The following CPLANE1 variants were observed in gnomAD, a reference collection of about 807,000 sequenced individuals.
CPLANE1 encodes the protein ciliogenesis and planar polarity effector complex subunit 1.
In CPLANE1, 263 loss-of-function variants were observed where a neutral mutation model predicts 362.5. The ratio of observed to expected loss-of-function variants is 0.73; its 90% CI spans 0.66 to 0.80. The LOEUF (loss-of-function observed/expected upper bound fraction) is 0.80. Ranked by LOEUF, CPLANE1 falls within the 30% of genes least tolerant of loss-of-function variation. The probability of loss-of-function intolerance (pLI) is 0.00; values close to 1 mark genes in which losing one functional copy is unlikely to be tolerated. For missense variants in CPLANE1, 3,461 were observed against 3,793.4 expected (o/e 0.91, Z 2.30); for synonymous variants, 1,212 against 1,302.6 (o/e 0.93, Z 1.50).
the CPLANE1 span, among the ~76,000 whole-genome samples, chr5:37,077,902 C>T: frequency 0.018 from 2,707 of 151,960 alleles, 32 homozygotes; most frequent in Middle Eastern, 0.041. Context: ...AGGTGTAAAC[C>T]GCCGTGCCCA....
chr5:37,107,575 G>A lies in CPLANE1; in HGVS notation c.*27C>T, dbSNP rs769472990. 28 of 1,586,756 alleles carry A rather than the reference G, an allele frequency of 1.8e-5. No individual in the cohort carries two copies. Among genetic ancestry groups the A allele is most frequent in the Non-Finnish European group, 9.5e-6 (11 of 1,163,658 alleles). On this transcript the variant is annotated 3_prime_UTR_variant, in exon 53 of 53. Coordinates refer to ENST00000651892, the MANE Select transcript of CPLANE1 (RefSeq NM_001384732.1). Reference sequence around the variant, plus strand: ...CCACATTACTGAGGTGCTGGCCTGTGCATGGAAACCCAATGATATCCAGGT... The same window carrying A: ...CCACATTACTGAGGTGCTGGCCTGTACATGGAAACCCAATGATATCCAGGT...
Position 37,182,884 on chromosome 5 carries a change from T to C in CPLANE1, c.5297A>G (p.Glu1766Gly), listed in dbSNP as rs1432514420. 6.2e-7 allele frequency: 1 copy of C among 1,608,834 alleles called. No homozygotes were observed. The highest frequency in any genetic ancestry group is 1.7e-4 in the Middle Eastern group (1 of 6,018). The change falls in exon 26 of 53, where the codon GAG becomes GGG. Residue 1766 changes from glutamate (E) to glycine (G), a missense_variant. Coordinates refer to ENST00000651892, the MANE Select transcript of CPLANE1 (RefSeq NM_001384732.1). ...TACTGGACTGTACTCAGAGGATGAC[T>C]CAGTTATACCAGAATCACAGAGTAG... is the stretch of plus-strand genomic sequence containing the variant. Reference protein sequence around the residue: ...RRLLCDSGITESSSEYSPVIR... With the variant: ...RRLLCDSGITGSSSEYSPVIR...
In CPLANE1 at chr5:37,213,816, G is replaced by T. The variant is rs1391050274; in HGVS notation, c.2747-84C>A. 3 of 1,138,598 alleles carry T rather than the reference G, an allele frequency of 2.6e-6. No individual in the cohort carries two copies. The Admixed American group carries it at 1.1e-4, about 40-fold the overall frequency. The allele number at this position is 1,138,598 out of a possible 1,614,324, so 70.5% of individuals were successfully genotyped here. ...TTAAGTTCCCAACATTATACAAAAAGAAAATTGCAATACCTTTTTTTCTGA... is the reference window on the plus strand; with the variant it reads ...TTAAGTTCCCAACATTATACAAAAATAAAATTGCAATACCTTTTTTTCTGA... On this transcript the variant is annotated intron_variant, in intron 15 of 52. Coordinates refer to ENST00000651892, the MANE Select transcript of CPLANE1 (RefSeq NM_001384732.1).
Position 37,107,147 on chromosome 5 carries a change from G to T in CPLANE1, c.*455C>A. 1 of 985,484 alleles carries T rather than the reference G, an allele frequency of 1.0e-6. No homozygotes were observed. Among genetic ancestry groups the T allele is most frequent in the Non-Finnish European group, 1.2e-6 (1 of 830,006 alleles). 61.0% of individuals were successfully genotyped at this position (985,484 alleles called of 1,614,324 possible). A position where few individuals can be genotyped will look rare whatever the true frequency, so the allele number is the denominator to read the frequency against. ...CTCCTAGGCTAAACCCTGCATAGGTGTTTTAAAATAGGGTTCATAATTGAG... is the reference window on the plus strand; with the variant it reads ...CTCCTAGGCTAAACCCTGCATAGGTTTTTTAAAATAGGGTTCATAATTGAG... On this transcript the variant is annotated 3_prime_UTR_variant, in exon 53 of 53. Transcript: ENST00000651892.
In CPLANE1 at chr5:37,209,163, T is replaced by G. The variant is rs1173045323; in HGVS notation, c.2921-2738A>C. Among the ~76,000 whole-genome samples, 1 of 152,194 alleles carries G rather than the reference T, an allele frequency of 6.6e-6. No homozygotes were observed. Among genetic ancestry groups the G allele is most frequent in the African/African-American group, 2.4e-5 (1 of 41,452 alleles). On this transcript the variant is annotated intron_variant, in intron 16 of 52. Transcript: ENST00000651892. The surrounding 1 kb of genome is among the most constrained non-coding windows in gnomAD (Gnocchi z 4.6). ...CCTCAGAACCGCGAAGAAAGGAAGC[T>G]AGCGTGTTTGTTAGAAAACCTAGTT...
the CPLANE1 span, among the ~76,000 whole-genome samples, chr5:37,099,447 TC>T: frequency 3.3e-5 from 5 of 152,218 alleles, no homozygotes; most frequent in African/African-American, 1.2e-4. Context: ...CCCAGCTTCA[TC>T]CATGTTCCTG....
rs1580350130 is a variant in CPLANE1 at position 37,167,175 on chromosome 5, A to G, written c.7272T>C (p.Ile2424=). 1.2e-6 allele frequency: 2 copies of G among 1,613,288 alleles called. No homozygotes were observed. The highest frequency in any genetic ancestry group is 1.7e-6 in the Non-Finnish European group (2 of 1,179,808). ...GTTTCTGTTGGCTTTGTTTAAACGC[A>G]ATGAGGTTTTCAAGTGGGATAAGTT... The part of the protein sequence containing the change: ...KTQLIPLENL[I]AFKQSQQKLT... Residue 2424 remains isoleucine, a synonymous_variant, in exon 35 of 53, where the codon ATT becomes ATC. Transcript: ENST00000651892.
intron 21 of CPLANE1, among the ~76,000 whole-genome samples, chr5:37,191,314 A>C (rs1178314797): frequency 2.6e-5 from 4 of 152,076 alleles, no homozygotes; most frequent in Non-Finnish European, 5.9e-5. Flanking sequence ...GGGAGGATCG[A>C]TTGAGCCCAG....
chr5:37,199,711 T>C (rs1356222600), intron 19 of CPLANE1, among the ~76,000 whole-genome samples: 4 of 152,160 alleles, frequency 2.6e-5, no homozygotes, highest in African/African-American at 9.7e-5. Flanking sequence ...TTCCCCAACA[T>C]CCTTCTTCCC....
intron 29 of CPLANE1, among the ~76,000 whole-genome samples, chr5:37,178,614 G>GAA (rs1209110424): frequency 3.8e-5 from 5 of 132,978 alleles, no homozygotes; most frequent in African/African-American, 1.4e-4. Context: ...CCCTCATCTC[G>GAA]AAAAAAAAAA....
the CPLANE1 span, among the ~76,000 whole-genome samples, chr5:37,084,389 C>T: frequency 2.6e-5 from 4 of 152,084 alleles, no homozygotes; most frequent in Admixed American, 2.6e-4. Flanking sequence ...AAACAAAAAA[C>T]CAAGGCATAC....
intron 16 of CPLANE1, among the ~76,000 whole-genome samples, chr5:37,213,261 T>G (rs1430716739): frequency 6.6e-6 from 1 of 152,142 alleles, no homozygotes; most frequent in Non-Finnish European, 1.5e-5. Flanking sequence ...GTCTGAGCAA[T>G]ATAGCAAAAT....
intron 32 of CPLANE1, among the ~76,000 whole-genome samples, chr5:37,172,174 T>C (rs1045770179): frequency 6.6e-6 from 1 of 152,172 alleles, no homozygotes; most frequent in Non-Finnish European, 1.5e-5. Context: ...TCATATATTA[T>C]ACAAATTTGT....
intron 4 of CPLANE1, 62 bp downstream of exon 4, chr5:37,245,417 T>C (rs1388807100): frequency 1.5e-6 from 2 of 1,313,470 alleles, no homozygotes; most frequent in Non-Finnish European, 2.0e-6. Flanking sequence ...CAGAAAAATG[T>C]TTCATCCTCT....
At position 37,216,201 on chromosome 5, in the gene CPLANE1, T is replaced by C. The variant is rs576428901; in HGVS notation, c.2747-2469A>G. ...AATCTTAATATACTCCCATTAGTAA[T>C]AGTAGCTCACTAGTATAAGATTTTG... On this transcript the variant is annotated intron_variant, in intron 15 of 52. Coordinates refer to ENST00000651892, the MANE Select transcript of CPLANE1 (RefSeq NM_001384732.1). Among the ~76,000 whole-genome samples, 12 of 152,262 alleles carry C rather than the reference T, an allele frequency of 7.9e-5. No homozygotes were observed. The South Asian group carries it at 1.9e-3, about 24-fold the overall frequency.
intron 51 of CPLANE1, among the ~76,000 whole-genome samples, chr5:37,110,728 G>C (rs1758941900): frequency 1.3e-5 from 2 of 151,854 alleles, no homozygotes; most frequent in South Asian, 4.2e-4. Flanking sequence ...TGAGGAAAGT[G>C]AGGCTTAGAG....
At chr5:37,144,972 TG>T (rs889804769) in intron 43 of CPLANE1, among the ~76,000 whole-genome samples, 11 of 151,182 alleles carry the variant, frequency 7.3e-5, no homozygotes, top group African/African-American at 2.7e-4. Context: ...GGGAACTAAA[TG>T]GGAGGGTTAA....
chr5:37,226,904 C>CTA lies in CPLANE1; in HGVS notation c.1689_1690dup (p.Arg564IlefsTer20), dbSNP rs1405449925. The CTA allele has an allele frequency of 6.4e-7, 1 of 1,551,770 alleles. No homozygotes were observed. Among genetic ancestry groups the CTA allele is most frequent in the Admixed American group, 2.0e-5 (1 of 50,992 alleles). The stretch of plus-strand genomic sequence containing the variant: ...GATAGAATGCAGTTCTGTAATGGTT[C>CTA]TATCTGTCTCCTCACTATCATCCTT... On this transcript the variant is annotated frameshift_variant, in exon 12 of 53. Transcript: ENST00000651892.
chr5:37,208,382 G>T (rs1791439133), intron 16 of CPLANE1, among the ~76,000 whole-genome samples: 1 of 152,196 alleles, frequency 6.6e-6, no homozygotes, highest in Non-Finnish European at 1.5e-5. Context: ...TTGTTATTAA[G>T]AGTTCGGCTT....
Sources: allele counts gnomAD v4.1 joint callset (sites outside exome capture counted in the v4.1 genomes callset), GRCh38; gene constraint gnomAD v4.1.1; non-coding constraint Gnocchi (gnomAD v3.1); transcripts MANE v1.5; gene names NCBI Gene and HGNC (gene_info 2026-07-23, HGNC 2026-07-21).